Variants in HEPHL1 observed in about 807,000 individuals in gnomAD.
HEPHL1 encodes the protein hephaestin like 1.
In HEPHL1, 123 loss-of-function variants were observed where a neutral mutation model predicts 122.0. That is an observed-to-expected ratio of 1.01 (90% CI 0.87 to 1.17). HEPHL1 has a LOEUF of 1.17. HEPHL1 is among the 50% of genes most tolerant of loss of function. The pLI is 0.00. For missense variants in HEPHL1, 1,452 were observed against 1,430.5 expected (o/e 1.01, Z -0.24); for synonymous variants, 527 against 508.9 (o/e 1.04, Z -0.48).
chr11:94,075,394 TTGAG>T lies in HEPHL1; in HGVS notation c.1716+12_1716+15del, dbSNP rs1565355737. 6.2e-7 allele frequency: 1 copy of T among 1,605,394 alleles called. No homozygotes were observed. The highest frequency in any genetic ancestry group is 1.1e-5 in the South Asian group (1 of 90,802). ...ATGCTGATGGGACACAGGTAGGCCA[TTGAG>T]TGTCACCAGTTCTTCTCAGGGTTGT... On this transcript the variant is annotated intron_variant, in intron 9 of 19. Transcript: ENST00000315765.
intron 1 of HEPHL1, among the ~76,000 whole-genome samples, chr11:94,037,624 C>A (rs536739775): frequency 6.6e-6 from 1 of 152,168 alleles, no homozygotes; most frequent in East Asian, 1.9e-4. Context: ...ACACCTCACA[C>A]AGCAGGGTAT....
intron 9 of HEPHL1, among the ~76,000 whole-genome samples, chr11:94,077,194 T>C (rs538930002): frequency 6.6e-5 from 10 of 152,324 alleles, no homozygotes; most frequent in African/African-American, 2.4e-4. Flanking sequence ...AAAGTAAAAT[T>C]ATCTGAGTCA....
intron 12 of HEPHL1, among the ~76,000 whole-genome samples, chr11:94,090,196 T>C (rs969745695): frequency 1.4e-4 from 21 of 152,252 alleles, no homozygotes; most frequent in African/African-American, 5.1e-4. Context: ...CAAACACCTG[T>C]ATTCTGCAAA....
At chr11:94,092,298 A>G (rs536045529) in intron 12 of HEPHL1, among the ~76,000 whole-genome samples, 1 of 152,336 alleles carries the variant, frequency 6.6e-6, no homozygotes, top group Non-Finnish European at 1.5e-5. Context: ...TATACAGTCT[A>G]TCCTCGTTAT....
intron 2 of HEPHL1, among the ~76,000 whole-genome samples, chr11:94,061,425 C>T (rs577945593): frequency 1.3e-5 from 2 of 152,186 alleles, no homozygotes; most frequent in Non-Finnish European, 2.9e-5. Flanking sequence ...ATGGCAGATA[C>T]AAGAGAATGA....
intron 2 of HEPHL1, among the ~76,000 whole-genome samples, chr11:94,056,298 G>C (rs1430977094): frequency 1.3e-5 from 2 of 151,872 alleles, no homozygotes; most frequent in African/African-American, 4.8e-5. Context: ...TTTTCCCCCA[G>C]TTTGACAATC....
Position 94,094,285 on chromosome 11 carries a change from G to A in HEPHL1, c.2434+645G>A, listed in dbSNP as rs896733850. On this transcript the variant is annotated intron_variant, in intron 13 of 19. Coordinates refer to ENST00000315765, the MANE Select transcript of HEPHL1 (RefSeq NM_001098672.2). ...GTCCTTGCGATAGTTTGCTGAGAAT[G>A]ATGGTTTCCAGCTTCATCTATGTCC... Among the ~76,000 whole-genome samples the A allele has an allele frequency of 4.6e-5, 7 of 151,980 alleles. No individual in the cohort carries two copies. The East Asian group carries it at 1.4e-3, about 30-fold the overall frequency.
intron 9 of HEPHL1, 115 bp downstream of exon 9, chr11:94,075,500 T>C (rs1442194586): frequency 2.9e-6 from 2 of 692,304 alleles, no homozygotes; most frequent in Admixed American, 5.3e-5. Flanking sequence ...TTTCTTCCTC[T>C]TGAAGTAGAT....
chr11:94,096,860 T>G (rs1373519851), intron 13 of HEPHL1, among the ~76,000 whole-genome samples: 1 of 152,228 alleles, frequency 6.6e-6, no homozygotes, highest in Non-Finnish European at 1.5e-5. Flanking sequence ...GGATCAGTGA[T>G]GATATCCCCT....
At chr11:94,068,121 G>A (rs2134430500) in intron 5 of HEPHL1, among the ~76,000 whole-genome samples, 1 of 152,346 alleles carries the variant, frequency 6.6e-6, no homozygotes, top group Non-Finnish European at 1.5e-5. Flanking sequence ...TTCCTGAGGA[G>A]CTGGCTCCTA....
At chr11:94,035,648 C>T (rs182749380) in intron 1 of HEPHL1, among the ~76,000 whole-genome samples, 143 of 152,248 alleles carry the variant, frequency 9.4e-4, no homozygotes, top group South Asian at 4.6e-3. Context: ...AGGGGTCATG[C>T]GGGGTGATAG....
chr11:94,104,781 T>G (rs1039282780), intron 16 of HEPHL1, 31 bp downstream of exon 16: 2 of 1,489,048 alleles, frequency 1.3e-6, no homozygotes, highest in African/African-American at 2.8e-5. Flanking sequence ...GAAGCCTATG[T>G]TGAGATAAGC....
chr11:94,053,455 T>A (rs189246265), intron 2 of HEPHL1, among the ~76,000 whole-genome samples: 1 of 152,178 alleles, frequency 6.6e-6, no homozygotes, highest in East Asian at 1.9e-4. Context: ...TCTCTTTCAC[T>A]GATTTCTGTT....
At chr11:94,055,421 G>A (rs2134421901) in intron 2 of HEPHL1, 1 of 231,214 alleles carries the variant, frequency 4.3e-6, no homozygotes, top group Non-Finnish European at 8.8e-6. Context: ...CTCTCTGGGT[G>A]ATCAGTTCTC....
intron 9 of HEPHL1, among the ~76,000 whole-genome samples, chr11:94,080,340 A>T (rs1946160698): frequency 6.6e-6 from 1 of 152,224 alleles, no homozygotes; most frequent in African/African-American, 2.4e-5. Flanking sequence ...AAACTATAAA[A>T]ACCCTAGAAG....
At chr11:94,057,294 G>A (rs1407926797) in intron 2 of HEPHL1, among the ~76,000 whole-genome samples, 1 of 151,932 alleles carries the variant, frequency 6.6e-6, no homozygotes, top group Non-Finnish European at 1.5e-5. Context: ...GTAGGTTAAT[G>A]TTTTTCATCA....
At chr11:94,042,433 T>C (rs2134412927) in intron 1 of HEPHL1, among the ~76,000 whole-genome samples, 1 of 142,570 alleles carries the variant, frequency 7.0e-6, no homozygotes, top group East Asian at 2.2e-4. Context: ...CACATATGTT[T>C]ATTGCGGCAT....
At chr11:94,096,621 G>A (rs1039814256) in intron 13 of HEPHL1, among the ~76,000 whole-genome samples, 21 of 152,194 alleles carry the variant, frequency 1.4e-4, no homozygotes, top group Non-Finnish European at 2.8e-4. Context: ...ACCTCTGGTA[G>A]AATTCGGCTG....
intron 1 of HEPHL1, among the ~76,000 whole-genome samples, chr11:94,035,397 T>C (rs1270483032): frequency 2.0e-5 from 3 of 152,228 alleles, no homozygotes; most frequent in African/African-American, 7.2e-5. Context: ...AAATCCTTAA[T>C]CTGTACTTGT....
Sources: gnomAD v4.1 joint callset for allele counts (sites outside exome capture counted in the v4.1 genomes callset) on GRCh38, gnomAD v4.1.1 for gene constraint, MANE v1.5 for transcripts, NCBI Gene and HGNC (gene_info 2026-07-23, HGNC 2026-07-21) for gene names.